IMMP2L: variants seen among roughly 807,000 people sequenced by gnomAD.
The protein encoded by IMMP2L is inner mitochondrial membrane peptidase subunit 2, also known as mitochondrial inner membrane protease subunit 2.
In IMMP2L, 18 loss-of-function variants were observed where a neutral mutation model predicts 19.3. The observed-to-expected ratio is 0.93, with a 90% CI of 0.64 to 1.38. IMMP2L has a LOEUF of 1.38. Ranked by LOEUF, IMMP2L falls within the 40% of genes most tolerant of loss-of-function variation. The pLI is 0.00. For missense variants in IMMP2L, 233 were observed against 218.2 expected (o/e 1.07, Z -0.43); for synonymous variants, 76 against 73.0 (o/e 1.04, Z -0.21).
At chr7:111,256,315 C>A (rs1339995727) in intron 3 of IMMP2L, among the ~76,000 whole-genome samples, 1 of 152,038 alleles carries the variant, frequency 6.6e-6, no homozygotes, top group East Asian at 1.9e-4. Flanking sequence ...AGTTCTAGAT[C>A]TGCAAATGAT....
Position 110,740,858 on chromosome 7 carries a change from A to C in IMMP2L, c.409-77137T>G, listed in dbSNP as rs184744131. ...TAGAAAATAGTGTGGTGATTCCTTAAAGAACTGCACATTCTGTACATGTAA... is the reference window on the plus strand; with the variant it reads ...TAGAAAATAGTGTGGTGATTCCTTACAGAACTGCACATTCTGTACATGTAA... On this transcript the variant is annotated intron_variant, in intron 5 of 5. Coordinates refer to ENST00000405709, the MANE Select transcript of IMMP2L (RefSeq NM_032549.4). 3.3e-5 allele frequency among the ~76,000 whole-genome samples: 5 copies of C among 152,220 alleles called. No individual in the cohort carries two copies. The East Asian group carries it at 9.6e-4, about 29-fold the overall frequency.
chr7:111,032,077 G>A (rs181872305), intron 3 of IMMP2L, among the ~76,000 whole-genome samples: 178 of 151,844 alleles, frequency 1.2e-3, no homozygotes, highest in Middle Eastern at 6.8e-3. Context: ...TAGCTGGAAC[G>A]ACAAGTGGGC....
At chr7:110,749,792 C>A (rs750755174) in intron 5 of IMMP2L, among the ~76,000 whole-genome samples, 1 of 151,880 alleles carries the variant, frequency 6.6e-6, no homozygotes, top group African/African-American at 2.4e-5. Flanking sequence ...AAATATCTAA[C>A]GTAGATGATG....
In IMMP2L at chr7:111,502,121, G is replaced by A. The variant is rs530022085; in HGVS notation, c.136-14780C>T. 3.8e-3 allele frequency among the ~76,000 whole-genome samples: 579 copies of A among 152,250 alleles called. 4 individuals carry two copies. The highest frequency in any genetic ancestry group is 5.9e-3 in the Non-Finnish European group (403 of 68,024). On this transcript the variant is annotated intron_variant, in intron 2 of 5. Coordinates refer to ENST00000405709, the MANE Select transcript of IMMP2L (RefSeq NM_032549.4). Reference sequence around the variant, plus strand: ...ATAGGCTCAAAATAAAGGGATGGAGGAAGATCTACCAAGCAAATGGAAAAC... The same window carrying A: ...ATAGGCTCAAAATAAAGGGATGGAGAAAGATCTACCAAGCAAATGGAAAAC...
chr7:111,502,877 C>T (rs1307337987), intron 2 of IMMP2L, among the ~76,000 whole-genome samples: 5 of 149,134 alleles, frequency 3.4e-5, no homozygotes, highest in East Asian at 2.0e-4. Flanking sequence ...AGGAAAGATC[C>T]AAAATTGACA....
intron 5 of IMMP2L, among the ~76,000 whole-genome samples, chr7:110,731,507 C>T (rs139403280): frequency 3.2e-4 from 48 of 152,256 alleles, no homozygotes; most frequent in African/African-American, 1.1e-3. Context: ...ATGAACTCTA[C>T]CAGCAGTCTC....
chr7:111,419,042 C>A (rs1835222263), intron 3 of IMMP2L, among the ~76,000 whole-genome samples: 1 of 151,700 alleles, frequency 6.6e-6, no homozygotes, highest in Non-Finnish European at 1.5e-5. Context: ...TTCTGAAAGC[C>A]ACTGCCATAG....
intron 3 of IMMP2L, among the ~76,000 whole-genome samples, chr7:111,037,341 G>A (rs1791450502): frequency 1.3e-5 from 2 of 152,048 alleles, no homozygotes; most frequent in African/African-American, 4.8e-5. Flanking sequence ...GAATGCAACC[G>A]ATAAGATATA....
intron 3 of IMMP2L, among the ~76,000 whole-genome samples, chr7:111,445,945 T>C (rs568664137): frequency 6.0e-4 from 92 of 152,076 alleles, no homozygotes; most frequent in Non-Finnish European, 1.1e-3. Context: ...AAAGGGGTGA[T>C]GGACGCACCT....
intron 3 of IMMP2L, among the ~76,000 whole-genome samples, chr7:111,344,642 T>TA (rs1827356539): frequency 6.6e-6 from 1 of 152,194 alleles, no homozygotes; most frequent in African/African-American, 2.4e-5. Flanking sequence ...ACAAGGTTCT[T>TA]ATTTTCTCTA....
chr7:111,098,186 G>C (rs1396658755), intron 3 of IMMP2L, among the ~76,000 whole-genome samples: 1 of 151,784 alleles, frequency 6.6e-6, no homozygotes, highest in Non-Finnish European at 1.5e-5. Context: ...AATTTGTTGT[G>C]TGACTAGCTG....
At chr7:110,950,118 A>G (rs1817645386) in intron 4 of IMMP2L, among the ~76,000 whole-genome samples, 3 of 152,084 alleles carry the variant, frequency 2.0e-5, no homozygotes, top group Non-Finnish European at 4.4e-5. Flanking sequence ...TAATCTAATC[A>G]ACTTTGAGTT....
chr7:111,273,208 C>T (rs867997896), intron 3 of IMMP2L, among the ~76,000 whole-genome samples: 5 of 151,778 alleles, frequency 3.3e-5, no homozygotes, highest in Middle Eastern at 6.8e-3. Flanking sequence ...ACCCAGGAGG[C>T]GGAGGTTGCA....
intron 3 of IMMP2L, among the ~76,000 whole-genome samples, chr7:111,064,299 T>A (rs2129574754): frequency 6.6e-6 from 1 of 152,268 alleles, no homozygotes; most frequent in Non-Finnish European, 1.5e-5. Context: ...ATGGGAATTG[T>A]GTGAGTTACA....
intron 3 of IMMP2L, among the ~76,000 whole-genome samples, chr7:111,132,735 A>T (rs1000223834): frequency 6.6e-6 from 1 of 152,048 alleles, no homozygotes; most frequent in African/African-American, 2.4e-5. Context: ...GGTAGCAAAA[A>T]GTTTAAATAA....
At chr7:110,812,254 T>C (rs1354117303) in intron 5 of IMMP2L, among the ~76,000 whole-genome samples, 1 of 152,002 alleles carries the variant, frequency 6.6e-6, no homozygotes, top group Non-Finnish European at 1.5e-5. Flanking sequence ...ATAGAGAAAA[T>C]AATTTACAAT....
intron 5 of IMMP2L, among the ~76,000 whole-genome samples, chr7:110,816,199 A>T (rs548145395): frequency 6.6e-6 from 1 of 152,166 alleles, no homozygotes; most frequent in South Asian, 2.1e-4. Context: ...GAACATCTTT[A>T]TTTCTGCCTT....
chr7:111,527,555 G>C (rs1310839274), intron 1 of IMMP2L, among the ~76,000 whole-genome samples: 2 of 151,992 alleles, frequency 1.3e-5, no homozygotes, highest in South Asian at 4.2e-4. Flanking sequence ...GATCACTATT[G>C]ACTAAGAAAA....
At chr7:110,815,833 TC>T (rs1243929774) in intron 5 of IMMP2L, among the ~76,000 whole-genome samples, 1 of 152,164 alleles carries the variant, frequency 6.6e-6, no homozygotes, top group African/African-American at 2.4e-5. Context: ...CATTTTTTAT[TC>T]CGTCTATTTG....
Sources: gnomAD v4.1 joint callset for allele counts (sites outside exome capture counted in the v4.1 genomes callset) on GRCh38, gnomAD v4.1.1 for gene constraint, MANE v1.5 for transcripts, NCBI Gene and HGNC (gene_info 2026-07-23, HGNC 2026-07-21) for gene names.